Variants in TNNT2 observed in about 807,000 individuals in gnomAD.
TNNT2 encodes the protein troponin T2, cardiac type.
A neutral mutation model predicts 62.4 loss-of-function variants in TNNT2; 34 were observed. That is an observed-to-expected ratio of 0.54 (90% CI 0.41 to 0.72). The LOEUF is 0.72. Ranked by LOEUF, TNNT2 falls within the 30% of genes least tolerant of loss-of-function variation. The pLI, the probability that TNNT2 is intolerant of heterozygous loss-of-function variation, is 0.00. For missense variants in TNNT2, 275 were observed against 381.9 expected (o/e 0.72, Z 2.33); for synonymous variants, 123 against 127.2 (o/e 0.97, Z 0.22).
chr1:201,364,970 A>C (rs979618425), intron 10 of TNNT2, among the ~76,000 whole-genome samples: 1 of 152,120 alleles, frequency 6.6e-6, no homozygotes, highest in Non-Finnish European at 1.5e-5. Flanking sequence ...TCTGGCAGTC[A>C]AGGAGCATCC....
chr1:201,359,814 G>T, intron 15 of TNNT2, 151 bp from the exon 16 acceptor site: 1 of 749,904 alleles, frequency 1.3e-6, no homozygotes, highest in South Asian at 1.5e-5. Context: ...GGATAGTTAA[G>T]GGTCAGGAGG....
At position 201,373,428 on chromosome 1, in the gene TNNT2, C is replaced by T. The variant is rs10920186; in HGVS notation, c.-14-160G>A. On this transcript the variant is annotated intron_variant, in intron 1 of 16. Coordinates refer to ENST00000656932, the MANE Select transcript of TNNT2 (RefSeq NM_001276345.2). ...TGCAACAAAAAGCCTGTTTTCTCCC[C>T]TGCTGGGGGAGATAGTGACACCCAC... 5,832 of 697,144 alleles carry T rather than the reference C, an allele frequency of 8.4e-3. 228 individuals are homozygous for T. In the African/African-American group the frequency reaches 0.091, roughly 11 times the overall value. 43.2% of individuals were successfully genotyped at this position (697,144 alleles called of 1,614,324 possible).
chr1:201,370,120 A>G (rs1455765172), intron 4 of TNNT2, among the ~76,000 whole-genome samples: 3 of 152,198 alleles, frequency 2.0e-5, no homozygotes, highest in African/African-American at 4.8e-5. Flanking sequence ...GCGTGCATAG[A>G]GCGCCCAGCA....
chr1:201,375,352 G>A (rs1464271600), intron 1 of TNNT2: 3 of 152,224 alleles, frequency 2.0e-5, no homozygotes, highest in Non-Finnish European at 4.4e-5. Context: ...CAGCAGAGTG[G>A]TCCTTCCGCT....
At chr1:201,365,424 G>T in intron 9 of TNNT2, 117 bp from the exon 10 acceptor site, 2 of 1,193,278 alleles carry the variant, frequency 1.7e-6, no homozygotes, top group Non-Finnish European at 2.5e-6. Context: ...CCTGGCGCCT[G>T]GCCAGGGAAG....
At chr1:201,363,622 T>A in intron 11 of TNNT2, 1 of 559,364 alleles carries the variant, frequency 1.8e-6, no homozygotes. Flanking sequence ...TTCCCAAATG[T>A]GAGGTCTCGT....
intron 1 of TNNT2, among the ~76,000 whole-genome samples, chr1:201,375,914 C>T (rs12568177): frequency 0.067 from 10,171 of 152,282 alleles, 659 homozygotes; most frequent in African/African-American, 0.16. Flanking sequence ...GGGCACCATC[C>T]AGCTCCCAAA....
At chr1:201,370,310 C>T (rs1660432219) in intron 4 of TNNT2, among the ~76,000 whole-genome samples, 1 of 152,184 alleles carries the variant, frequency 6.6e-6, no homozygotes, top group Non-Finnish European at 1.5e-5. Context: ...CTGAATGAGG[C>T]TCTTGGGTAT....
At chr1:201,372,975 A>G (rs1311307181) in intron 2 of TNNT2, 19 of 663,788 alleles carry the variant, frequency 2.9e-5, no homozygotes, top group Non-Finnish European at 5.0e-5. Flanking sequence ...AAGGACACTG[A>G]TGACCCTGGA....
At chr1:201,366,456 A>G in intron 8 of TNNT2, 1 of 1,136,498 alleles carries the variant, frequency 8.8e-7, no homozygotes, top group Non-Finnish European at 1.1e-6. Context: ...CGCCATGCCT[A>G]TGCTGGCACG....
At position 201,366,625 on chromosome 1, in the gene TNNT2, T is replaced by C. The variant is rs957920611; in HGVS notation, c.233+213A>G. 3.4e-6 allele frequency: 5 copies of C among 1,452,600 alleles called. No individual in the cohort carries two copies. The Admixed American group carries it at 9.2e-5, about 27-fold the overall frequency. The allele number at this position is 1,452,600 out of a possible 1,614,324, so 90.0% of individuals were successfully genotyped here. ...GCCCCATCCCTGCTAGGGTGCACGA[T>C]TGGTGATGGAGTGTTGGGTGGAATT... On this transcript the variant is annotated intron_variant, in intron 8 of 16. Coordinates refer to ENST00000656932, the MANE Select transcript of TNNT2 (RefSeq NM_001276345.2).
chr1:201,376,921 TCCCCATCTGCC>T (rs1558259291), intron 1 of TNNT2, among the ~76,000 whole-genome samples: 1 of 152,206 alleles, frequency 6.6e-6, no homozygotes, highest in Admixed American at 6.5e-5. Context: ...GTGGGGCCTT[TCCCCATCTGCC>T]CCCCAAGTGC....
intron 5 of TNNT2, chr1:201,368,537 G>A: frequency 2.0e-6 from 1 of 498,562 alleles, no homozygotes; most frequent in Non-Finnish European, 3.9e-6. Flanking sequence ...CTCTGCTTAA[G>A]CCGAGGTGTC....
At position 201,359,258 on chromosome 1, in the gene TNNT2, G is replaced by T; in HGVS notation, c.852-3C>A. 1.2e-5 allele frequency: 20 copies of T among 1,610,542 alleles called. No individual in the cohort carries two copies. The highest frequency in any genetic ancestry group is 1.7e-5 in the Non-Finnish European group (20 of 1,178,928). ...TAGCCTTCCCGCGGGTCTTGGAGCT[G>T]CAGGGGAAGCAGGACGCAGTGACAT... On this transcript the variant is annotated splice_polypyrimidine_tract_variant and splice_region_variant and intron_variant, in intron 16 of 16. Coordinates refer to ENST00000656932, the MANE Select transcript of TNNT2 (RefSeq NM_001276345.2).
chr1:201,361,124 C>T, intron 15 of TNNT2, 155 bp downstream of exon 15: 1 of 790,070 alleles, frequency 1.3e-6, no homozygotes, highest in Non-Finnish European at 2.3e-6. Flanking sequence ...TGGAACACTG[C>T]TGAAGGCCAG....
At chr1:201,362,543 G>A (rs550110644) in intron 12 of TNNT2, 149 bp from the exon 13 acceptor site, 175 of 1,006,632 alleles carry the variant, frequency 1.7e-4, no homozygotes, top group Non-Finnish European at 2.3e-4. Flanking sequence ...TTACTAGGAC[G>A]TGGGTCTGAG....
intron 7 of TNNT2, 42 bp downstream of exon 7, chr1:201,367,729 G>T (rs1659911006): frequency 3.1e-6 from 5 of 1,608,464 alleles, no homozygotes; most frequent in Non-Finnish European, 4.3e-6. Context: ...TGCTGTGAGG[G>T]GTTCCTTTGC....
chr1:201,372,341 T>A (rs999660137), intron 2 of TNNT2, among the ~76,000 whole-genome samples, 186 bp from the exon 3 acceptor site: 1 of 152,100 alleles, frequency 6.6e-6, no homozygotes, highest in Admixed American at 6.6e-5. Context: ...GGCCTGCCGT[T>A]CTCATGCAGG....
At chr1:201,365,481 C>A (rs1659493493) in intron 9 of TNNT2, 129 bp downstream of exon 9, 3 of 1,243,566 alleles carry the variant, frequency 2.4e-6, no homozygotes, top group African/African-American at 3.0e-5. Flanking sequence ...GATGGGCACC[C>A]AGCCTGGCTG....
Sources: gnomAD v4.1 joint callset for allele counts (sites outside exome capture counted in the v4.1 genomes callset) on GRCh38, gnomAD v4.1.1 for gene constraint, MANE v1.5 for transcripts, NCBI Gene and HGNC (gene_info 2026-07-23, HGNC 2026-07-21) for gene names.